CREB3L2: variants seen among roughly 807,000 people sequenced by gnomAD.
CREB3L2 encodes the protein cAMP responsive element binding protein 3 like 2.
In CREB3L2, 23 loss-of-function variants were observed where a neutral mutation model predicts 57.2. That is an observed-to-expected ratio of 0.40 (90% CI 0.29 to 0.57). The LOEUF (loss-of-function observed/expected upper bound fraction) is 0.57. Among genes scored for constraint, CREB3L2 ranks in the 20% least tolerant of loss-of-function variants. CREB3L2 has a pLI of 0.42. For synonymous variants in CREB3L2, 268 were observed against 265.1 expected, an observed-to-expected ratio of 1.01 and a Z score of -0.11; for missense variants, 628 against 634.7, an observed-to-expected ratio of 0.99 and a Z score of 0.11.
chr7:137,976,220 A>G (rs1036392503), intron 1 of CREB3L2, among the ~76,000 whole-genome samples: 1 of 152,198 alleles, frequency 6.6e-6, no homozygotes, highest in African/African-American at 2.4e-5. Flanking sequence ...CCTTTCCTAA[A>G]TATATGGCCA....
At chr7:137,936,532 T>A (rs1371314929) in intron 1 of CREB3L2, among the ~76,000 whole-genome samples, 1 of 152,174 alleles carries the variant, frequency 6.6e-6, no homozygotes, top group African/African-American at 2.4e-5. Flanking sequence ...GTTTGTCACC[T>A]TTTTTCACCT....
At chr7:137,952,658 C>T (rs543851761) in intron 1 of CREB3L2, among the ~76,000 whole-genome samples, 1 of 152,298 alleles carries the variant, frequency 6.6e-6, no homozygotes, top group South Asian at 2.1e-4. Flanking sequence ...CCCAACTCTA[C>T]CACACCTAGA....
intron 1 of CREB3L2, among the ~76,000 whole-genome samples, chr7:137,975,506 G>A (rs1200945235): frequency 1.3e-5 from 2 of 152,164 alleles, no homozygotes; most frequent in East Asian, 3.9e-4. Flanking sequence ...CAGCCTCACA[G>A]GCAAGACAGA....
At chr7:137,905,650 A>G in intron 6 of CREB3L2, 52 bp downstream of exon 6, 1 of 1,594,922 alleles carries the variant, frequency 6.3e-7, no homozygotes, top group Non-Finnish European at 8.6e-7. Flanking sequence ...AGGGATGCTG[A>G]CTCGATTCTG....
intron 1 of CREB3L2, among the ~76,000 whole-genome samples, chr7:137,979,497 G>A (rs977368391): frequency 4.6e-5 from 7 of 152,150 alleles, no homozygotes; most frequent in Middle Eastern, 3.4e-3. Context: ...AGGCTGAGGC[G>A]GGCGGATCAC....
chr7:137,982,700 T>A (rs1801731327), intron 1 of CREB3L2, among the ~76,000 whole-genome samples: 1 of 152,108 alleles, frequency 6.6e-6, no homozygotes, highest in African/African-American at 2.4e-5. Flanking sequence ...CCTCTTTCCT[T>A]TATAAATTAC....
At chr7:137,960,809 C>CTTTTTTTTTTTTTTTTTTTTTTT (rs66493086) in intron 1 of CREB3L2, among the ~76,000 whole-genome samples, 1 of 95,574 alleles carries the variant, frequency 1.0e-5, no homozygotes, top group African/African-American at 4.3e-5. Flanking sequence ...TAAATTATTT[C>CTTTTTTTTTTTTTTTTTTTTTTT]TTTTTTTTTT....
chr7:137,916,062 C>A, intron 2 of CREB3L2, 50 bp from the exon 3 acceptor site: 118 of 1,465,402 alleles, frequency 8.1e-5, no homozygotes, highest in East Asian at 2.9e-4. Flanking sequence ...GGGCATCAGG[C>A]ATAAGCAAAA....
At chr7:137,935,558 T>C (rs1800761126) in intron 1 of CREB3L2, among the ~76,000 whole-genome samples, 1 of 152,226 alleles carries the variant, frequency 6.6e-6, no homozygotes, top group South Asian at 2.1e-4. Context: ...TACTTAAATA[T>C]CTTATCACTA....
At position 137,877,546 on chromosome 7, in the gene CREB3L2, ATCCAGTGAAAAAT is replaced by A. The variant is rs1026084743; in HGVS notation, c.*2917_*2929del. 1 of 225,770 alleles carries A rather than the reference ATCCAGTGAAAAAT, an allele frequency of 4.4e-6. No individual in the cohort carries two copies. The highest frequency in any genetic ancestry group is 2.2e-5 in the African/African-American group (1 of 44,886). 14.0% of individuals were successfully genotyped at this position (225,770 alleles called of 1,614,324 possible). A position where few individuals can be genotyped will look rare whatever the true frequency, so the allele number is the denominator to read the frequency against. On this transcript the variant is annotated 3_prime_UTR_variant, in exon 12 of 12. Transcript: ENST00000330387. ...GGGGGGTCTGGGTTACTCAGGTCTT[ATCCAGTGAAAAAT>A]TAGTTCTCTGAATCTTTGCAAAACA...
intron 1 of CREB3L2, among the ~76,000 whole-genome samples, chr7:137,945,706 C>T (rs1800960534): frequency 6.6e-6 from 1 of 152,138 alleles, no homozygotes; most frequent in African/African-American, 2.4e-5. Flanking sequence ...AGAACTGGGC[C>T]TTTCACCAAC....
intron 1 of CREB3L2, among the ~76,000 whole-genome samples, chr7:137,997,563 A>G (rs1028886489): frequency 2.0e-5 from 3 of 151,886 alleles, no homozygotes; most frequent in Non-Finnish European, 4.4e-5. Context: ...TCTACCAAAA[A>G]AAAAGAAGAA....
intron 1 of CREB3L2, chr7:137,956,446 C>T: frequency 2.6e-6 from 1 of 388,886 alleles, no homozygotes; most frequent in East Asian, 7.3e-5. Context: ...CTCCCCAGTG[C>T]AAGTTTCCAG....
intron 1 of CREB3L2, among the ~76,000 whole-genome samples, chr7:137,947,103 G>T (rs79990339): frequency 4.0e-4 from 55 of 137,060 alleles, no homozygotes; most frequent in South Asian, 9.1e-4. Context: ...TCTCTCTCTC[G>T]CTCTCTCTCT....
Position 137,880,423 on chromosome 7 carries a change from T to C in CREB3L2, c.*53A>G, listed in dbSNP as rs1228961467. 7.1e-7 allele frequency: 1 copy of C among 1,414,858 alleles called. No individual in the cohort carries two copies. 87.6% of individuals were successfully genotyped at this position (1,414,858 alleles called of 1,614,324 possible). The stretch of plus-strand genomic sequence containing the variant: ...AGGAAAAGCTGATGACAAAGGTGGT[T>C]TGGGGATGTAAAAGTAGAGTTAAGG... On this transcript the variant is annotated 3_prime_UTR_variant, in exon 12 of 12. Coordinates refer to ENST00000330387, the MANE Select transcript of CREB3L2 (RefSeq NM_194071.4). This position sits in a 1 kb window ranked among gnomAD's most constrained non-coding sequence, Gnocchi z 4.0.
rs527633508 is a variant in CREB3L2 at position 137,878,775 on chromosome 7, A to T, written c.*1701T>A. 1.6e-5 allele frequency: 4 copies of T among 247,138 alleles called. No individual in the cohort carries two copies. The South Asian group carries it at 5.3e-4, about 33-fold the overall frequency. The allele number at this position is 247,138 out of a possible 1,614,324, so 15.3% of individuals were successfully genotyped here. A position where few individuals can be genotyped will look rare whatever the true frequency, so the allele number is the denominator to read the frequency against. ...AGCCCCAAATGGGCCTAGACAGACA[A>T]GGCAGGGACCGACTTATGAGGTATG... On this transcript the variant is annotated 3_prime_UTR_variant, in exon 12 of 12. Coordinates refer to ENST00000330387, the MANE Select transcript of CREB3L2 (RefSeq NM_194071.4).
chr7:137,989,807 G>A (rs1257032548), intron 1 of CREB3L2, among the ~76,000 whole-genome samples: 5 of 152,010 alleles, frequency 3.3e-5, no homozygotes, highest in African/African-American at 9.7e-5. Context: ...CAAGGTCAAC[G>A]GCAACACCGT....
chr7:137,975,604 G>A (rs773460562), intron 1 of CREB3L2, among the ~76,000 whole-genome samples: 47 of 152,246 alleles, frequency 3.1e-4, no homozygotes, highest in Non-Finnish European at 4.7e-4. Context: ...ATGACTGCAT[G>A]GGAAGTAAAA....
chr7:137,941,009 C>T (rs1297692237), intron 1 of CREB3L2, among the ~76,000 whole-genome samples: 1 of 152,240 alleles, frequency 6.6e-6, no homozygotes, highest in Non-Finnish European at 1.5e-5. Context: ...GGCTTCTAGC[C>T]ACTTTGGCTC....
Sources: allele counts gnomAD v4.1 joint callset (sites outside exome capture counted in the v4.1 genomes callset), GRCh38; gene constraint gnomAD v4.1.1; non-coding constraint Gnocchi (gnomAD v3.1); transcripts MANE v1.5; gene names NCBI Gene and HGNC (gene_info 2026-07-23, HGNC 2026-07-21).